C1GALT1: variants seen among roughly 807,000 people sequenced by gnomAD.
The protein encoded by C1GALT1 is core 1 synthase, glycoprotein-N-acetylgalactosamine 3-beta-galactosyltransferase 1.
In C1GALT1, 11 loss-of-function variants were observed where a neutral mutation model predicts 31.0. The ratio of observed to expected loss-of-function variants is 0.36; its 90% CI spans 0.22 to 0.59. The LOEUF (loss-of-function observed/expected upper bound fraction) is 0.59, where lower values mean the gene tolerates loss of function less well. Among genes scored for constraint, C1GALT1 ranks in the 20% least tolerant of loss-of-function variants. C1GALT1 has a pLI of 0.79. For synonymous variants in C1GALT1, 175 were observed against 143.6 expected (o/e 1.22, Z -1.56); for missense variants, 424 against 425.2 (o/e 1.00, Z 0.03).
chr7:7,168,284 C>T (rs1583728781), intron 2 of C1GALT1, among the ~76,000 whole-genome samples: 1 of 152,050 alleles, frequency 6.6e-6, no homozygotes, highest in South Asian at 2.1e-4. Flanking sequence ...GGCTGGAAGG[C>T]CAGCCTAGAG....
At chr7:7,217,374 T>C (rs1782294840) in intron 1 of C1GALT1, among the ~76,000 whole-genome samples, 3 of 151,964 alleles carry the variant, frequency 2.0e-5, no homozygotes, top group Admixed American at 6.6e-5. Flanking sequence ...CCCACCTTTT[T>C]TTTTTAAGAG....
chr7:7,199,854 G>C (rs952490210), intron 1 of C1GALT1, among the ~76,000 whole-genome samples: 5 of 152,126 alleles, frequency 3.3e-5, no homozygotes, highest in Admixed American at 3.3e-4. Context: ...CAGAGACTAG[G>C]ATTGCAGCCC....
intron 2 of C1GALT1, among the ~76,000 whole-genome samples, chr7:7,159,550 C>A (rs184826807): frequency 1.3e-5 from 2 of 152,122 alleles, no homozygotes; most frequent in Non-Finnish European, 2.9e-5. Context: ...TTCTTGTCCC[C>A]TTTCCCCAAT....
At chr7:7,186,532 T>TG (rs1468385393) in intron 1 of C1GALT1, among the ~76,000 whole-genome samples, 2 of 152,196 alleles carry the variant, frequency 1.3e-5, no homozygotes, top group Non-Finnish European at 2.9e-5. Context: ...ATGATTCTGA[T>TG]GGAGACTCAG....
intron 2 of C1GALT1, among the ~76,000 whole-genome samples, chr7:7,173,460 G>A (rs900313342): frequency 9.2e-5 from 14 of 152,138 alleles, no homozygotes; most frequent in African/African-American, 3.1e-4. Context: ...AGCAATGCAA[G>A]AATGGATTAA....
chr7:7,227,829 T>C (rs1782847563), intron 1 of C1GALT1, among the ~76,000 whole-genome samples: 2 of 151,302 alleles, frequency 1.3e-5, no homozygotes, highest in African/African-American at 4.9e-5. Context: ...CAGAGGAGAG[T>C]CCTCAACAGC....
At chr7:7,181,213 GTTGCGGAAAGGTGGAAGGATA>G (rs80000666), upstream of C1GALT1, among the ~76,000 whole-genome samples, 1,148 of 138,338 alleles carry the variant, frequency 8.3e-3, 5 homozygotes, top group Middle Eastern at 0.014. Flanking sequence ...GTGGAAGGAT[GTTGCGGAAAGGTGGAAGGATA>G]TTGCGGAAAG....
intron 1 of C1GALT1, among the ~76,000 whole-genome samples, chr7:7,217,030 G>T (rs1184408813): frequency 6.6e-6 from 1 of 152,114 alleles, no homozygotes; most frequent in Admixed American, 6.5e-5. Context: ...AAAATTTGGC[G>T]ACAGGGTAGA....
chr7:7,232,492 TTTTTG>T (rs1360546599), intron 1 of C1GALT1, among the ~76,000 whole-genome samples: 1 of 95,370 alleles, frequency 1.0e-5, no homozygotes, highest in Non-Finnish European at 1.9e-5. Flanking sequence ...GGGTTTTTTT[TTTTTG>T]TTTTTTTTTT....
intron 1 of C1GALT1, among the ~76,000 whole-genome samples, chr7:7,224,106 A>G (rs1279503430): frequency 6.6e-6 from 1 of 152,182 alleles, no homozygotes; most frequent in Non-Finnish European, 1.5e-5. Flanking sequence ...AATAAACTCT[A>G]CTTGGTCATA....
upstream of C1GALT1, chr7:7,178,302 A>C: frequency 4.3e-6 from 1 of 230,664 alleles, no homozygotes; most frequent in South Asian, 7.8e-5. Context: ...TCTGTAGCTA[A>C]ACATGCTATG....
chr7:7,178,304 C>T (rs755905674), upstream of C1GALT1: 1 of 230,194 alleles, frequency 4.3e-6, no homozygotes, highest in Non-Finnish European at 9.7e-6. Flanking sequence ...TGTAGCTAAA[C>T]ATGCTATGCA....
At chr7:7,191,407 C>T (rs74884885) in intron 1 of C1GALT1, among the ~76,000 whole-genome samples, 4,426 of 152,198 alleles carry the variant, frequency 0.029, 125 homozygotes, top group African/African-American at 0.078. Flanking sequence ...TGGTTTGCTT[C>T]ACATTTTAGC....
chr7:7,172,060 C>T (rs1780459281), intron 2 of C1GALT1, among the ~76,000 whole-genome samples: 1 of 152,040 alleles, frequency 6.6e-6, no homozygotes, highest in Non-Finnish European at 1.5e-5. Flanking sequence ...CCTTTATTTT[C>T]TTAACATGGC....
intron 1 of C1GALT1, among the ~76,000 whole-genome samples, chr7:7,215,610 G>A (rs1241371297): frequency 6.6e-6 from 1 of 152,186 alleles, no homozygotes; most frequent in Non-Finnish European, 1.5e-5. Context: ...AGGAATTCCA[G>A]TTAGGGTTTT....
intron 2 of C1GALT1, among the ~76,000 whole-genome samples, chr7:7,175,354 T>C (rs915905652): frequency 1.3e-5 from 2 of 152,250 alleles, no homozygotes; most frequent in Admixed American, 1.3e-4. Flanking sequence ...AGCCTTGCAC[T>C]GTGCTAAGGG....
At chr7:7,197,115 C>G (rs1467906788) in intron 1 of C1GALT1, among the ~76,000 whole-genome samples, 4 of 152,110 alleles carry the variant, frequency 2.6e-5, no homozygotes, top group South Asian at 2.1e-4. Flanking sequence ...AAGTCCTTGC[C>G]CATGCCTATG....
At chr7:7,229,986 T>C (rs1431773883) in intron 1 of C1GALT1, among the ~76,000 whole-genome samples, 1 of 152,190 alleles carries the variant, frequency 6.6e-6, no homozygotes, top group Non-Finnish European at 1.5e-5. Context: ...TTCAGATGGT[T>C]AATTTACATC....
intron 1 of C1GALT1, among the ~76,000 whole-genome samples, chr7:7,207,061 G>A (rs1390262154): frequency 6.6e-6 from 1 of 151,698 alleles, no homozygotes; most frequent in Admixed American, 6.6e-5. Context: ...TCCATTACTT[G>A]GGACTATGAC....
Sources: gnomAD v4.1 joint callset for allele counts (sites outside exome capture counted in the v4.1 genomes callset) on GRCh38, gnomAD v4.1.1 for gene constraint, MANE v1.5 for transcripts, NCBI Gene and HGNC (gene_info 2026-07-23, HGNC 2026-07-21) for gene names.